PER3: variants seen among roughly 807,000 people sequenced by gnomAD.
The protein encoded by PER3 is period circadian protein homolog 3.
In PER3, 107 loss-of-function variants were observed where a neutral mutation model predicts 127.2. That is an observed-to-expected ratio of 0.84 (90% CI 0.72 to 0.99). The LOEUF is 0.99. PER3 is among the 50% of genes least tolerant of loss of function. PER3 has a pLI of 0.00. For synonymous variants in PER3, 618 were observed against 585.8 expected, an observed-to-expected ratio of 1.05 and a Z score of -0.79; for missense variants, 1,560 against 1,525.8, an observed-to-expected ratio of 1.02 and a Z score of -0.37.
At chr1:7,813,055 A>G (rs2097227978) in intron 13 of PER3, among the ~76,000 whole-genome samples, 1 of 152,226 alleles carries the variant, frequency 6.6e-6, no homozygotes, top group South Asian at 2.1e-4. Flanking sequence ...CTTTCTTACA[A>G]CCTAAGAGCA....
intron 2 of PER3, 36 bp from the exon 3 acceptor site, chr1:7,785,405 C>T: frequency 6.4e-7 from 1 of 1,570,926 alleles, no homozygotes; most frequent in Non-Finnish European, 8.7e-7. Context: ...CTGTTGTCTT[C>T]AGAGGATGAA....
Position 7,830,119 on chromosome 1 carries a change from C to G in PER3, c.3172C>G (p.Pro1058Ala). 6.2e-7 allele frequency: 1 copy of G among 1,614,218 alleles called. No homozygotes were observed. Among genetic ancestry groups the G allele is most frequent in the East Asian group, 2.2e-5 (1 of 44,890 alleles). ...PTATVLSTGS[P>A]PSESPSRTGS... The stretch of plus-strand genomic sequence containing the variant: ...TGCCACTGTTCTGTCCACGGGGTCA[C>G]CTCCCAGCGAATCCCCATCCAGAAC... The change falls in exon 19 of 22, where the codon CCT (proline) becomes GCT (alanine). Residue 1058 changes from proline to alanine, a missense_variant. By Grantham distance (27) the Pro-to-Ala change is conservative. Coordinates refer to ENST00000377532, the MANE Select transcript of PER3 (RefSeq NM_001377275.1).
At position 7,830,051 on chromosome 1, in the gene PER3, T is replaced by C. The variant is rs1411614593; in HGVS notation, c.3104T>C (p.Leu1035Pro). The C allele has an allele frequency of 1.2e-6, 2 of 1,610,830 alleles. No individual in the cohort carries two copies. The highest frequency in any genetic ancestry group is 8.5e-7 in the Non-Finnish European group (1 of 1,178,822). Residue 1035 changes from leucine (L) to proline (P), a missense_variant, in exon 19 of 22, where the codon CTG (leucine) becomes CCG (proline). This residue lies in a region of PER3 where 29 missense variants were observed against 103.6 expected (regional missense o/e 0.28). Transcript: ENST00000377532. ...KNPSHPTAST[L>P]SMGLPPSRTP... ...CCATCCCATCCTACTGCCAGCACAC[T>C]GTCCATGGGATTGCCTCCCAGCAGG...
chr1:7,786,645 G>C (rs887319923), intron 3 of PER3, 76 bp from the exon 4 acceptor site: 33 of 792,270 alleles, frequency 4.2e-5, no homozygotes, highest in Non-Finnish European at 7.4e-5. Context: ...AAATAATCCA[G>C]CTTGATAGTG....
At chr1:7,786,254 C>G (rs2097090196) in intron 3 of PER3, among the ~76,000 whole-genome samples, 1 of 152,056 alleles carries the variant, frequency 6.6e-6, no homozygotes, top group South Asian at 2.1e-4. Context: ...GACTCTGTCT[C>G]TAAAAAATAA....
At position 7,830,162 on chromosome 1, in the gene PER3, G is replaced by A. The variant is rs747048894; in HGVS notation, c.3214+1G>A. ...TCCAGAACTGGTTCAGCAGCATCAGGTAGTGGATCAGGACAACTAATGTTT... is the reference window on the plus strand; with the variant it reads ...TCCAGAACTGGTTCAGCAGCATCAGATAGTGGATCAGGACAACTAATGTTT... On this transcript the variant is annotated splice_donor_variant, in intron 19 of 21. Transcript: ENST00000377532. LOFTEE classifies it high-confidence loss of function. The A allele has an allele frequency of 2.5e-6, 4 of 1,612,568 alleles. No homozygotes were observed. Among genetic ancestry groups the A allele is most frequent in the Non-Finnish European group, 3.4e-6 (4 of 1,178,718 alleles).
intron 16 of PER3, among the ~76,000 whole-genome samples, chr1:7,822,697 A>G (rs78621816): frequency 1.1e-3 from 168 of 152,344 alleles, no homozygotes; most frequent in African/African-American, 3.9e-3. Flanking sequence ...AACAAACCAA[A>G]TAAGATAATA....
intron 10 of PER3, among the ~76,000 whole-genome samples, chr1:7,805,168 C>G (rs1475187058): frequency 6.6e-6 from 1 of 152,186 alleles, no homozygotes; most frequent in Non-Finnish European, 1.5e-5. Context: ...ACGCCCAACC[C>G]TGTGGTCCAT....
intron 21 of PER3, among the ~76,000 whole-genome samples, chr1:7,838,786 A>G (rs1210091495): frequency 1.3e-5 from 2 of 152,198 alleles, no homozygotes; most frequent in Admixed American, 6.5e-5. Flanking sequence ...CTTGGTTACT[A>G]TCTGCATGTA....
chr1:7,823,452 G>C (rs2097286930), intron 16 of PER3, among the ~76,000 whole-genome samples: 1 of 152,202 alleles, frequency 6.6e-6, no homozygotes, highest in South Asian at 2.1e-4. Context: ...AGACCAGCCT[G>C]ACCAACACGG....
Position 7,793,989 on chromosome 1 carries a change from C to G in PER3, c.625C>G (p.Pro209Ala). The G allele has an allele frequency of 6.2e-7, 1 of 1,613,954 alleles. No individual in the cohort carries two copies. The highest frequency in any genetic ancestry group is 8.5e-7 in the Non-Finnish European group (1 of 1,179,844). Residue 209 changes from proline (P) to alanine (A), a missense_variant, in exon 6 of 22, where the codon CCT becomes GCT. This residue lies in a region of PER3 where 1,332 missense variants were observed against 1,223.6 expected (regional missense o/e 1.09). Transcript: ENST00000377532. Reference sequence around the variant, plus strand: ...ACGGTATGAATGTGCTCCGGTGAAACCTTTTTTCTGCAGGATCCGGTAAGT... The same window carrying G: ...ACGGTATGAATGTGCTCCGGTGAAAGCTTTTTTCTGCAGGATCCGGTAAGT... ...AARYECAPVKPFFCRIRGGED... is the reference protein window; with the variant it reads ...AARYECAPVKAFFCRIRGGED...
intron 11 of PER3, 39 bp downstream of exon 11, chr1:7,809,037 T>C: frequency 9.8e-7 from 1 of 1,019,750 alleles, no homozygotes; most frequent in African/African-American, 1.6e-5. Context: ...TTCCCTGAAT[T>C]GTGTTTTGTT....
intron 7 of PER3, among the ~76,000 whole-genome samples, chr1:7,800,208 A>G (rs1029312367): frequency 2.2e-5 from 3 of 136,272 alleles, no homozygotes; most frequent in Non-Finnish European, 3.2e-5. Flanking sequence ...TAATATATCA[A>G]TCACTTCATT....
intron 19 of PER3, 147 bp from the exon 20 acceptor site, chr1:7,835,614 TC>T: frequency 1.7e-6 from 1 of 589,690 alleles, no homozygotes; most frequent in Non-Finnish European, 3.1e-6. Context: ...CAGGAGGCTG[TC>T]CACAGGGAGG....
In PER3 at chr1:7,798,674, G is replaced by GT; in HGVS notation, c.793+2dup. On this transcript the variant is annotated splice_donor_variant, in intron 7 of 21. Coordinates refer to ENST00000377532, the MANE Select transcript of PER3 (RefSeq NM_001377275.1). LOFTEE classifies it high-confidence loss of function. ...GAAAAGATTCACTCTGGTTATGAAG[G>GT]TAAGTCAGTAGATAAGATGCAGAAA... 1 of 1,611,642 alleles carries GT rather than the reference G, an allele frequency of 6.2e-7. No individual in the cohort carries two copies. Among genetic ancestry groups the GT allele is most frequent in the Non-Finnish European group, 8.5e-7 (1 of 1,177,820 alleles).
At chr1:7,814,887 A>G (rs925455493) in intron 13 of PER3, among the ~76,000 whole-genome samples, 3 of 152,234 alleles carry the variant, frequency 2.0e-5, no homozygotes, top group Non-Finnish European at 2.9e-5. Context: ...ACTCAAGAAT[A>G]TATATTGGAA....
At chr1:7,808,273 G>A (rs138705075) in intron 10 of PER3, among the ~76,000 whole-genome samples, 15 of 144,672 alleles carry the variant, frequency 1.0e-4, no homozygotes, top group African/African-American at 3.5e-4. Context: ...GTATAGTACA[G>A]TGCCTGTCAC....
chr1:7,788,434 TG>T (rs1242592745), intron 5 of PER3, 188 bp downstream of exon 5: 20 of 580,884 alleles, frequency 3.4e-5, no homozygotes, highest in Admixed American at 9.1e-5. Flanking sequence ...TCAATACGTT[TG>T]TTTCCATTTT....
In PER3 at chr1:7,789,096, C is replaced by T. The variant is rs563382488; in HGVS notation, c.592+850C>T. Among the ~76,000 whole-genome samples, 3 of 150,624 alleles carry T rather than the reference C, an allele frequency of 2.0e-5. No individual in the cohort carries two copies. In the South Asian group the frequency reaches 6.3e-4, roughly 31 times the overall value. ...AATTTATTTCTTTTTAGTCATCCTT[C>T]ATTATTTTATATTCTTTGTGAAGTG... On this transcript the variant is annotated intron_variant, in intron 5 of 21. Coordinates refer to ENST00000377532, the MANE Select transcript of PER3 (RefSeq NM_001377275.1).
Sources: gnomAD v4.1 joint callset for allele counts (sites outside exome capture counted in the v4.1 genomes callset) on GRCh38, gnomAD v4.1.1 for gene constraint, gnomAD v4.1.1 regional missense constraint, MANE v1.5 for transcripts, NCBI Gene and HGNC (gene_info 2026-07-23, HGNC 2026-07-21) for gene names.